Variants in KCTD21 observed in about 807,000 individuals in gnomAD.
The protein encoded by KCTD21 is potassium channel tetramerization domain containing 21.
In KCTD21, 9 loss-of-function variants were observed where a neutral mutation model predicts 13.2. That is an observed-to-expected ratio of 0.68 (90% CI 0.41 to 1.19). The LOEUF is 1.19. KCTD21 is among the 50% of genes most tolerant of loss of function. The probability of loss-of-function intolerance (pLI) is 0.01; values close to 1 mark genes in which losing one functional copy is unlikely to be tolerated. For synonymous variants in KCTD21, 142 were observed against 137.4 expected, an observed-to-expected ratio of 1.03 and a Z score of -0.23; for missense variants, 303 against 336.5, an observed-to-expected ratio of 0.90 and a Z score of 0.78.
In KCTD21 at chr11:78,173,553, G is replaced by T. The variant is rs554892177; in HGVS notation, c.*219C>A. On this transcript the variant is annotated 3_prime_UTR_variant, in exon 2 of 2. Transcript: ENST00000340067. ...GACTCTTCACTTGTCATAATAAACCGCCTGTCTGCAGCTCAAAATGGCAAG... is the reference window on the plus strand; with the variant it reads ...GACTCTTCACTTGTCATAATAAACCTCCTGTCTGCAGCTCAAAATGGCAAG... The T allele has an allele frequency of 3.2e-5, 17 of 538,616 alleles. No homozygotes were observed. Among genetic ancestry groups the T allele is most frequent in the Non-Finnish European group, 5.6e-5 (17 of 302,396 alleles). The allele number at this position is 538,616 out of a possible 1,614,324, so 33.4% of individuals were successfully genotyped here.
rs1439716084 is a variant in KCTD21 at position 78,172,903 on chromosome 11, A to C, written c.*869T>G. ...TGGGGTGTTCTAGGGGTGGGGGAGG[A>C]CTAAGCAATCATCGAATTATTTCCA... On this transcript the variant is annotated 3_prime_UTR_variant, in exon 2 of 2. Transcript: ENST00000340067. The C allele has an allele frequency of 6.6e-6, 1 of 152,592 alleles. No homozygotes were observed. The highest frequency in any genetic ancestry group is 1.5e-5 in the Non-Finnish European group (1 of 68,028). 9.5% of individuals were successfully genotyped at this position (152,592 alleles called of 1,614,324 possible).
chr11:78,185,973 C>A (rs999378466), intron 1 of KCTD21, among the ~76,000 whole-genome samples: 1 of 152,078 alleles, frequency 6.6e-6, no homozygotes, highest in African/African-American at 2.4e-5. Context: ...TCATCATGAA[C>A]CCAGAATCTC....
intron 1 of KCTD21, among the ~76,000 whole-genome samples, chr11:78,181,308 T>C (rs866009320): frequency 6.6e-6 from 1 of 152,160 alleles, no homozygotes; most frequent in Non-Finnish European, 1.5e-5. Flanking sequence ...ATCCATACAA[T>C]AGAATATGAC....
At chr11:78,177,223 C>T (rs1023754910) in intron 1 of KCTD21, among the ~76,000 whole-genome samples, 10 of 152,188 alleles carry the variant, frequency 6.6e-5, no homozygotes, top group African/African-American at 1.7e-4. Context: ...CTGCCATGCT[C>T]GACTCTGTGG....
chr11:78,185,422 G>A (rs1038550418), intron 1 of KCTD21, among the ~76,000 whole-genome samples: 2 of 152,142 alleles, frequency 1.3e-5, no homozygotes, highest in African/African-American at 4.8e-5. Flanking sequence ...GTAAGTTACA[G>A]ATTTACTACT....
intron 1 of KCTD21, among the ~76,000 whole-genome samples, chr11:78,180,611 TGA>T (rs1590879632): frequency 6.6e-6 from 1 of 152,308 alleles, no homozygotes; most frequent in African/African-American, 2.4e-5. Flanking sequence ...TCATCAGTCA[TGA>T]GAGTATGAAA....
Position 78,173,067 on chromosome 11 carries a change from CA to C in KCTD21, c.*704del, listed in dbSNP as rs1212800767. On this transcript the variant is annotated 3_prime_UTR_variant, in exon 2 of 2. Coordinates refer to ENST00000340067, the MANE Select transcript of KCTD21 (RefSeq NM_001029859.3). Reference sequence around the variant, plus strand: ...ATTACACTGGCTACAGATACTTGCACATTTTTGCAAAGATAGCAGACCCTTT... The same window carrying C: ...ATTACACTGGCTACAGATACTTGCACTTTTTGCAAAGATAGCAGACCCTTT... The C allele has an allele frequency of 1.3e-5, 2 of 152,444 alleles. No individual in the cohort carries two copies. Among genetic ancestry groups the C allele is most frequent in the Admixed American group, 6.5e-5 (1 of 15,284 alleles). The allele number at this position is 152,444 out of a possible 1,614,324, so 9.4% of individuals were successfully genotyped here. A position where few individuals can be genotyped will look rare whatever the true frequency, so the allele number is the denominator to read the frequency against.
intron 1 of KCTD21, chr11:78,187,331 T>A (rs956828512): frequency 3.7e-5 from 36 of 985,160 alleles, no homozygotes; most frequent in Non-Finnish European, 4.3e-5. Flanking sequence ...CCAGTCCATA[T>A]CTCTAAGAAA....
chr11:78,181,114 T>C (rs1862604770), intron 1 of KCTD21, among the ~76,000 whole-genome samples: 1 of 152,168 alleles, frequency 6.6e-6, no homozygotes, highest in South Asian at 2.1e-4. Flanking sequence ...TTATTAGCAG[T>C]GTGAGAATGG....
chr11:78,173,840 C>T lies in KCTD21; in HGVS notation c.715G>A (p.Asp239Asn), dbSNP rs748855021. The change falls in exon 2 of 2, where the codon GAT (aspartate) becomes AAT (asparagine). Residue 239 changes from aspartate (D) to asparagine (N), a missense_variant. Transcript: ENST00000340067. Reference protein sequence around the residue: ...KIALSDGFCIDSSHPHALDFM... With the variant: ...KIALSDGFCINSSHPHALDFM... ...TCCAGAGCATGTGGGTGAGAAGAAT[C>T]GATGCAGAAGCCATCGCTCAGAGCG... The T allele has an allele frequency of 3.8e-5, 62 of 1,614,052 alleles. No homozygotes were observed. The highest frequency in any genetic ancestry group is 4.8e-5 in the Non-Finnish European group (57 of 1,180,042).
Position 78,174,343 on chromosome 11 carries a change from G to A in KCTD21, c.212C>T (p.Pro71Leu). 6.2e-7 allele frequency: 1 copy of A among 1,614,130 alleles called. No homozygotes were observed. The highest frequency in any genetic ancestry group is 8.5e-7 in the Non-Finnish European group (1 of 1,180,046). ...NFLRTSHLDL[P>L]EDFQEMGLLR... Reference sequence around the variant, plus strand: ...CAGCCCCATCTCCTGGAAGTCCTCAGGCAGGTCAAGGTGGGAGGTCCGCAG... The same window carrying A: ...CAGCCCCATCTCCTGGAAGTCCTCAAGCAGGTCAAGGTGGGAGGTCCGCAG... Residue 71 changes from proline to leucine, a missense_variant, in exon 2 of 2, where the codon CCT becomes CTT. Coordinates refer to ENST00000340067, the MANE Select transcript of KCTD21 (RefSeq NM_001029859.3).
At chr11:78,185,945 G>A (rs1430562544) in intron 1 of KCTD21, among the ~76,000 whole-genome samples, 2 of 152,108 alleles carry the variant, frequency 1.3e-5, no homozygotes, top group African/African-American at 4.8e-5. Flanking sequence ...TGGCTGTTCA[G>A]GCCTTGTTTT....
chr11:78,179,205 CT>C (rs35532425), intron 1 of KCTD21, among the ~76,000 whole-genome samples: 3,209 of 144,580 alleles, frequency 0.022, 53 homozygotes, highest in Middle Eastern at 0.053. Context: ...TTTATTTTTA[CT>C]TTTTTTTTTT....
At chr11:78,185,191 T>C (rs1862732877) in intron 1 of KCTD21, among the ~76,000 whole-genome samples, 1 of 152,210 alleles carries the variant, frequency 6.6e-6, no homozygotes, top group Non-Finnish European at 1.5e-5. Context: ...AACTTACTTT[T>C]AAATAATTGG....
intron 1 of KCTD21, among the ~76,000 whole-genome samples, chr11:78,182,059 C>T (rs1466164888): frequency 6.6e-6 from 1 of 152,158 alleles, no homozygotes; most frequent in African/African-American, 2.4e-5. Context: ...ATAGTCACCG[C>T]CTTGCACTCA....
chr11:78,187,777 C>T (rs1862835259), intron 1 of KCTD21: 1 of 985,300 alleles, frequency 1.0e-6, no homozygotes, highest in Non-Finnish European at 1.2e-6. Context: ...AGACAATTTG[C>T]GAAGGTCGGG....
rs535248963 is a variant in KCTD21 at position 78,179,192 on chromosome 11, C to T, written c.-29-4609G>A. On this transcript the variant is annotated intron_variant, in intron 1 of 1. Transcript: ENST00000340067. Reference sequence around the variant, plus strand: ...TCCTGCATTTCATTCCCCTGCTACTCTTTTTATTTTTACTTTTTTTTTTTT... The same window carrying T: ...TCCTGCATTTCATTCCCCTGCTACTTTTTTTATTTTTACTTTTTTTTTTTT... Among the ~76,000 whole-genome samples the T allele has an allele frequency of 2.1e-3, 319 of 150,358 alleles. 3 individuals carry two copies. Among genetic ancestry groups the T allele is most frequent in the South Asian group, 4.0e-3 (19 of 4,770 alleles).
intron 1 of KCTD21, chr11:78,174,845 C>A (rs1337442986): frequency 1.2e-5 from 4 of 332,282 alleles, no homozygotes; most frequent in African/African-American, 4.2e-5. Flanking sequence ...CCGCGCCCCC[C>A]TCTGCTGCCG....
chr11:78,174,042 G>A lies in KCTD21; in HGVS notation c.513C>T (p.Leu171=), dbSNP rs144551011. 1 of 1,614,080 alleles carries A rather than the reference G, an allele frequency of 6.2e-7. No homozygotes were observed. Residue 171 remains leucine (L), a synonymous_variant, in exon 2 of 2, where the codon CTC becomes CTT. Coordinates refer to ENST00000340067, the MANE Select transcript of KCTD21 (RefSeq NM_001029859.3). The part of the protein sequence containing the change: ...SKLFYCSNGN[L]SSITSHLQDP... ...CCTGCAAGTGGCTGGTGATGGAGGA[G>A]AGATTGCCATTGGAGCAGTAGAAGA... is the stretch of plus-strand genomic sequence containing the variant.
Sources: allele counts gnomAD v4.1 joint callset (sites outside exome capture counted in the v4.1 genomes callset), GRCh38; gene constraint gnomAD v4.1.1; transcripts MANE v1.5; gene names NCBI Gene and HGNC (gene_info 2026-07-23, HGNC 2026-07-21).